Variants in KLRG1 observed in about 807,000 individuals in gnomAD.
The protein encoded by KLRG1 is killer cell lectin like receptor G1, also known as killer cell lectin-like receptor subfamily G member 1.
A neutral mutation model predicts 21.8 loss-of-function variants in KLRG1; 16 were observed. That is an observed-to-expected ratio of 0.73 (90% CI 0.50 to 1.11). The LOEUF is 1.11. Among genes scored for constraint, KLRG1 ranks in the 50% most tolerant of loss-of-function variants. KLRG1 has a pLI of 0.00. For missense variants in KLRG1, 173 were observed against 218.3 expected, an observed-to-expected ratio of 0.79 and a Z score of 1.31; for synonymous variants, 69 against 75.9, an observed-to-expected ratio of 0.91 and a Z score of 0.47.
chr12:9,043,281 T>A, the KLRG1 span, among the ~76,000 whole-genome samples: 1 of 152,188 alleles, frequency 6.6e-6, no homozygotes, highest in Non-Finnish European at 1.5e-5. Flanking sequence ...TTTCACCATG[T>A]TGGCCAGGCT....
At chr12:9,200,688 T>G in the KLRG1 span, among the ~76,000 whole-genome samples, 2 of 152,178 alleles carry the variant, frequency 1.3e-5, no homozygotes, top group Non-Finnish European at 2.9e-5. Flanking sequence ...ACAAGAAGTT[T>G]CATACTTGGC....
chr12:9,049,403 T>G, the KLRG1 span, among the ~76,000 whole-genome samples: 4 of 152,170 alleles, frequency 2.6e-5, no homozygotes, highest in Non-Finnish European at 5.9e-5. Context: ...ATAAATTTCC[T>G]GTCAGTCCAA....
rs759986058 is a variant in KLRG1 at position 8,974,930 on chromosome 12, C to G, written c.-155-17276C>G. Among the ~76,000 whole-genome samples the G allele has an allele frequency of 1.5e-4, 23 of 151,348 alleles. No homozygotes were observed. The South Asian group carries it at 4.6e-3, about 30-fold the overall frequency. ...TCTTTTTTTGAGACAGAGTCTTGCT[C>G]TGTCAGCCAGGCTGGGGTGCAGTGG... is the stretch of plus-strand genomic sequence containing the variant. On this transcript the variant is annotated intron_variant, in intron 1 of 4. Transcript: ENST00000539240.
the KLRG1 span, among the ~76,000 whole-genome samples, chr12:9,042,138 G>T: frequency 6.6e-6 from 1 of 152,168 alleles, no homozygotes; most frequent in Non-Finnish European, 1.5e-5. Flanking sequence ...GGCTAAGGAA[G>T]TATCTACCTA....
the KLRG1 span, among the ~76,000 whole-genome samples, chr12:9,087,738 G>T: frequency 2.0e-5 from 3 of 151,900 alleles, no homozygotes; most frequent in Non-Finnish European, 4.4e-5. Context: ...ACATCACTTT[G>T]TATGCTGTAT....
the KLRG1 span, chr12:9,162,320 TCAGTGAGCAGC>T: frequency 3.0e-6 from 1 of 332,138 alleles, no homozygotes; most frequent in Admixed American, 4.9e-5. Context: ...GCTGGGCTTG[TCAGTGAGCAGC>T]CACTGGGCTA....
the KLRG1 span, among the ~76,000 whole-genome samples, chr12:9,024,073 G>A: frequency 8.2e-6 from 1 of 122,338 alleles, no homozygotes; most frequent in Admixed American, 1.0e-4. Context: ...CTATTGCCCA[G>A]GCTGGAGTGC....
chr12:9,134,011 G>A, the KLRG1 span, among the ~76,000 whole-genome samples: 2 of 152,190 alleles, frequency 1.3e-5, no homozygotes, highest in Non-Finnish European at 2.9e-5. Context: ...AGAAATCAAA[G>A]GTAGAGATTG....
the KLRG1 span, chr12:9,162,233 A>T: frequency 5.8e-6 from 1 of 172,476 alleles, no homozygotes; most frequent in Non-Finnish European, 1.2e-5. Context: ...AAATGCTGGG[A>T]TTACAAATGT....
the KLRG1 span, chr12:9,115,724 A>C: frequency 6.8e-7 from 1 of 1,473,052 alleles, no homozygotes; most frequent in Non-Finnish European, 9.5e-7. Flanking sequence ...TAAATGAAGG[A>C]CTCTAGGTTC....
At chr12:9,048,411 TAAGAA>T in the KLRG1 span, among the ~76,000 whole-genome samples, 729 of 152,038 alleles carry the variant, frequency 4.8e-3, 3 homozygotes, top group African/African-American at 0.016. Context: ...AAATACAAGA[TAAGAA>T]AAGTACAGAT....
chr12:9,070,812 G>A, the KLRG1 span, among the ~76,000 whole-genome samples: 3,217 of 148,468 alleles, frequency 0.022, 125 homozygotes, highest in African/African-American at 0.076. Flanking sequence ...GTGTATGGGG[G>A]CTGAGGATCT....
chr12:9,138,468 T>C, the KLRG1 span, among the ~76,000 whole-genome samples: 2 of 152,068 alleles, frequency 1.3e-5, no homozygotes, highest in African/African-American at 4.8e-5. Context: ...TGTCATTTTT[T>C]TTTTCTTGTA....
intron 1 of KLRG1, among the ~76,000 whole-genome samples, chr12:8,975,305 T>A (rs1946640055): frequency 6.6e-6 from 1 of 152,204 alleles, no homozygotes; most frequent in African/African-American, 2.4e-5. Context: ...TTTTAATTTG[T>A]TGGGAGGTTT....
intron 3 of KLRG1, among the ~76,000 whole-genome samples, chr12:9,004,393 A>C (rs777875532): frequency 6.6e-6 from 1 of 152,286 alleles, no homozygotes; most frequent in South Asian, 2.1e-4. Context: ...AATGATTGCC[A>C]TGTGTTCAGA....
chr12:9,050,059 A>G, the KLRG1 span, among the ~76,000 whole-genome samples: 2 of 152,100 alleles, frequency 1.3e-5, no homozygotes, highest in African/African-American at 2.4e-5. Flanking sequence ...TAAACTTCAG[A>G]AAAAAAATCT....
the KLRG1 span, among the ~76,000 whole-genome samples, chr12:9,125,183 G>A: frequency 1.3e-5 from 2 of 152,362 alleles, no homozygotes; most frequent in South Asian, 2.1e-4. Flanking sequence ...CCTCTCTGCT[G>A]AGAGCAGTAG....
At chr12:9,145,899 C>G in the KLRG1 span, among the ~76,000 whole-genome samples, 1 of 152,196 alleles carries the variant, frequency 6.6e-6, no homozygotes, top group Non-Finnish European at 1.5e-5. Flanking sequence ...TGCTGAAAAA[C>G]CAGCTGATCA....
the KLRG1 span, chr12:9,098,821 T>C: frequency 6.4e-7 from 1 of 1,555,232 alleles, no homozygotes; most frequent in African/African-American, 1.4e-5. Flanking sequence ...TTCACTCGCA[T>C]TTGCAGAGTG....
Sources: gnomAD v4.1 joint callset for allele counts (sites outside exome capture counted in the v4.1 genomes callset) on GRCh38, gnomAD v4.1.1 for gene constraint, MANE v1.5 for transcripts, NCBI Gene and HGNC (gene_info 2026-07-23, HGNC 2026-07-21) for gene names.